MACF1: variants seen among roughly 807,000 people sequenced by gnomAD.
MACF1 encodes microtubule actin crosslinking factor 1.
A neutral mutation model predicts 854.8 loss-of-function variants in MACF1; 193 were observed. The ratio of observed to expected loss-of-function variants is 0.23; its 90% CI spans 0.20 to 0.25. MACF1 has a LOEUF of 0.25. MACF1 is among the 10% of genes least tolerant of loss of function. MACF1 has a pLI of 1.00. For synonymous variants in MACF1, 3,185 were observed against 3,226.7 expected (o/e 0.99, Z 0.44); for missense variants, 7,722 against 8,929.1 (o/e 0.86, Z 5.45).
chr1:39,149,638 A>C (rs552813444), intron 2 of MACF1, among the ~76,000 whole-genome samples: 20 of 152,332 alleles, frequency 1.3e-4, no homozygotes, highest in African/African-American at 4.1e-4. Context: ...TAGTAATTTC[A>C]GTTCTGTTTG....
At chr1:39,252,567 G>A (rs1162755339) in intron 4 of MACF1, among the ~76,000 whole-genome samples, 1 of 152,060 alleles carries the variant, frequency 6.6e-6, no homozygotes, top group East Asian at 1.9e-4. Flanking sequence ...CTGCCTGCAG[G>A]CCCTAAATTA....
intron 48 of MACF1, 53 bp from the exon 49 acceptor site, chr1:39,361,307 A>G: frequency 6.5e-7 from 1 of 1,549,668 alleles, no homozygotes; most frequent in Non-Finnish European, 8.9e-7. Flanking sequence ...TTTGTGGCTC[A>G]GATGTCCTGG....
intron 15 of MACF1, 65 bp from the exon 16 acceptor site, chr1:39,291,845 G>C (rs542840714): frequency 6.5e-7 from 1 of 1,542,966 alleles, no homozygotes; most frequent in Non-Finnish European, 8.7e-7. Context: ...CCTAACATTG[G>C]TTCTGACCAT....
At chr1:39,431,899 C>T (rs1424227729) in intron 66 of MACF1, among the ~76,000 whole-genome samples, 2 of 152,148 alleles carry the variant, frequency 1.3e-5, no homozygotes, top group Non-Finnish European at 2.9e-5. Context: ...TCACTCGCGC[C>T]TAGGAGTTAG....
chr1:39,294,145 A>G (rs16826046), intron 18 of MACF1, among the ~76,000 whole-genome samples: 3,698 of 152,312 alleles, frequency 0.024, 138 homozygotes, highest in African/African-American at 0.084. Context: ...TATACTCTGG[A>G]CTTTCCACAA....
At position 39,347,952 on chromosome 1, in the gene MACF1, C is replaced by T. The variant is rs552345655; in HGVS notation, c.10815+742C>T. Among the ~76,000 whole-genome samples the T allele has an allele frequency of 3.3e-5, 5 of 152,230 alleles. No individual in the cohort carries two copies. The East Asian group carries it at 7.7e-4, about 23-fold the overall frequency. The stretch of plus-strand genomic sequence containing the variant: ...ATTACATTAATAGTAACATCAAAAC[C>T]TTAGAATACCCAGAATGATGTTCAT... On this transcript the variant is annotated intron_variant, in intron 41 of 100. Transcript: ENST00000564288.
chr1:39,463,395 TAGG>T (rs144751463), intron 93 of MACF1, among the ~76,000 whole-genome samples: 3,614 of 151,206 alleles, frequency 0.024, 112 homozygotes, highest in East Asian at 0.17. Flanking sequence ...GGGGCTGAGG[TAGG>T]AGAATTGTTT....
intron 2 of MACF1, among the ~76,000 whole-genome samples, chr1:39,085,417 C>T (rs1641646616): frequency 6.6e-6 from 1 of 152,126 alleles, no homozygotes; most frequent in African/African-American, 2.4e-5. Flanking sequence ...AGTGACATCA[C>T]CCGCTTTCAA....
chr1:39,444,885 TATA>T lies in MACF1; in HGVS notation c.19605+56_19605+58del, dbSNP rs530795224. 1.1e-4 allele frequency: 164 copies of T among 1,468,798 alleles called. No individual in the cohort carries two copies. The African/African-American group carries it at 1.7e-3, about 15-fold the overall frequency. The allele number at this position is 1,468,798 out of a possible 1,614,324, so 91.0% of individuals were successfully genotyped here. A position where few individuals can be genotyped will look rare whatever the true frequency, so the allele number is the denominator to read the frequency against. On this transcript the variant is annotated intron_variant, in intron 80 of 100. Coordinates refer to ENST00000564288, the MANE Select transcript of MACF1 (RefSeq NM_001394062.1). ...GAGTAATTTGCTGAGTGATTGCATG[TATA>T]ATAATTGCCATCTTATTTATATGAA...
intron 2 of MACF1, among the ~76,000 whole-genome samples, chr1:39,233,140 T>TA (rs1423937773): frequency 6.6e-6 from 1 of 152,076 alleles, no homozygotes; most frequent in Non-Finnish European, 1.5e-5. Context: ...GTTCAAGCAA[T>TA]ACTCCTGCCT....
In MACF1 at chr1:39,361,429, A is replaced by G. The variant is rs773441048; in HGVS notation, c.12523A>G (p.Met4175Val). 1.2e-6 allele frequency: 2 copies of G among 1,614,176 alleles called. No homozygotes were observed. The highest frequency in any genetic ancestry group is 1.7e-6 in the Non-Finnish European group (2 of 1,180,038). ...EATREMVTRF[M>V]ETADSTTAAV... ...CACCCGTGAGATGGTGACCCGATTC[A>G]TGGAGACAGCAGACAGTACTACAGC... The change falls in exon 49 of 101, where the codon ATG becomes GTG. Residue 4175 changes from methionine to valine, a missense_variant. By Grantham distance (21) the Met-to-Val change is conservative. Around this residue, in one of 15 missense-constraint regions of MACF1, gnomAD observed 2,807 missense variants for 3,235.8 expected, o/e 0.87. Coordinates refer to ENST00000564288, the MANE Select transcript of MACF1 (RefSeq NM_001394062.1).
intron 67 of MACF1, 27 bp from the exon 68 acceptor site, chr1:39,433,021 T>C: frequency 7.0e-7 from 1 of 1,426,794 alleles, no homozygotes; most frequent in South Asian, 1.2e-5. Flanking sequence ...GTCTTTTTAC[T>C]TCTTAACTAC....
Position 39,449,141 on chromosome 1 carries a change from A to G in MACF1, c.20258+378A>G, listed in dbSNP as rs531636403. Among the ~76,000 whole-genome samples, 5 of 152,296 alleles carry G rather than the reference A, an allele frequency of 3.3e-5. No individual in the cohort carries two copies. In the South Asian group the frequency reaches 1.0e-3, roughly 32 times the overall value. ...GATACCTGACCTTTGCTGGGCAATT[A>G]CTACTGAATATGTACCAAACAGTAG... On this transcript the variant is annotated intron_variant, in intron 84 of 100. Coordinates refer to ENST00000564288, the MANE Select transcript of MACF1 (RefSeq NM_001394062.1).
Position 39,300,365 on chromosome 1 carries a change from G to A in MACF1, c.2634+3G>A, listed in dbSNP as rs897079451. 5 of 1,613,376 alleles carry A rather than the reference G, an allele frequency of 3.1e-6. No homozygotes were observed. The African/African-American group carries it at 6.7e-5, about 22-fold the overall frequency. ...TCTGTGACTACAGGCAGATCGAGGT[G>A]AGGAGGTAGAAAGGGTACCTCTGGG... is the stretch of plus-strand genomic sequence containing the variant. On this transcript the variant is annotated splice_donor_region_variant and intron_variant, in intron 22 of 100. Transcript: ENST00000564288.
intron 43 of MACF1, among the ~76,000 whole-genome samples, chr1:39,352,481 G>A (rs186077165): frequency 7.4e-4 from 112 of 152,290 alleles, no homozygotes; most frequent in Admixed American, 1.9e-3. Flanking sequence ...TGGGGTGGCA[G>A]GACTAAATGA....
At chr1:39,180,812 A>G (rs1478412890) in intron 2 of MACF1, among the ~76,000 whole-genome samples, 1 of 152,154 alleles carries the variant, frequency 6.6e-6, no homozygotes, top group Non-Finnish European at 1.5e-5. Flanking sequence ...TGGTTGGCTA[A>G]GTCTCTTTTT....
intron 2 of MACF1, among the ~76,000 whole-genome samples, chr1:39,119,565 G>A (rs888359169): frequency 6.6e-6 from 1 of 152,054 alleles, no homozygotes; most frequent in Non-Finnish European, 1.5e-5. Flanking sequence ...AATGATGCTG[G>A]TTGTTTTATT....
At chr1:39,379,152 A>G in intron 53 of MACF1, 51 bp from the exon 54 acceptor site, 20 of 1,519,522 alleles carry the variant, frequency 1.3e-5, no homozygotes, top group Non-Finnish European at 1.8e-5. Flanking sequence ...GGAGTCAAGG[A>G]GCATACTCGA....
intron 97 of MACF1, among the ~76,000 whole-genome samples, chr1:39,477,736 C>T (rs1262515974): frequency 6.6e-6 from 1 of 151,920 alleles, no homozygotes; most frequent in Non-Finnish European, 1.5e-5. Flanking sequence ...GTTCTAGGTC[C>T]ACCTCTACTG....
Sources: allele counts gnomAD v4.1 joint callset (sites outside exome capture counted in the v4.1 genomes callset), GRCh38; gene constraint gnomAD v4.1.1; regional missense constraint gnomAD v4.1.1; transcripts MANE v1.5; gene names NCBI Gene and HGNC (gene_info 2026-07-23, HGNC 2026-07-21).